Variants in SSBP2 observed in about 807,000 individuals in gnomAD.
The protein encoded by SSBP2 is single stranded DNA binding protein 2.
A neutral mutation model predicts 61.8 loss-of-function variants in SSBP2; 17 were observed. The ratio of observed to expected loss-of-function variants is 0.28; its 90% CI spans 0.19 to 0.41. The LOEUF is 0.41. SSBP2 is among the 10% of genes least tolerant of loss of function. The pLI is 1.00. For missense variants in SSBP2, 310 were observed against 458.7 expected (o/e 0.68, Z 2.96); for synonymous variants, 139 against 141.3 (o/e 0.98, Z 0.12).
chr5:81,445,417 C>CT (rs1211070646), intron 12 of SSBP2, among the ~76,000 whole-genome samples: 2 of 151,130 alleles, frequency 1.3e-5, no homozygotes, highest in Non-Finnish European at 3.0e-5. Flanking sequence ...GCTCCAAAAA[C>CT]TTTTTTTTAG....
chr5:81,614,481 T>C (rs1422090571), intron 4 of SSBP2, among the ~76,000 whole-genome samples: 1 of 152,020 alleles, frequency 6.6e-6, no homozygotes, highest in Non-Finnish European at 1.5e-5. Context: ...CTTCTGGCCA[T>C]TTCTAACTCT....
chr5:81,692,619 A>G (rs149307191), intron 1 of SSBP2, among the ~76,000 whole-genome samples: 78 of 151,470 alleles, frequency 5.1e-4, no homozygotes, highest in African/African-American at 1.9e-3. Flanking sequence ...CTACACAGCT[A>G]TAGTAACCCA....
chr5:81,528,627 G>GT (rs1244666166), intron 4 of SSBP2, among the ~76,000 whole-genome samples: 6 of 151,954 alleles, frequency 3.9e-5, no homozygotes, highest in Admixed American at 3.3e-4. Flanking sequence ...AGTTAACATG[G>GT]TTTTAAACAT....
At chr5:81,670,901 C>A (rs967629750) in intron 1 of SSBP2, among the ~76,000 whole-genome samples, 1 of 152,196 alleles carries the variant, frequency 6.6e-6, no homozygotes, top group African/African-American at 2.4e-5. Context: ...CCTACTTCAT[C>A]AGTCATATTT....
At chr5:81,550,644 A>G (rs1188495963) in intron 4 of SSBP2, among the ~76,000 whole-genome samples, 1 of 152,224 alleles carries the variant, frequency 6.6e-6, no homozygotes, top group African/African-American at 2.4e-5. Context: ...CTCTACATAA[A>G]TCACAACATG....
At chr5:81,710,636 T>C (rs1274150398) in intron 1 of SSBP2, 2 of 449,706 alleles carry the variant, frequency 4.4e-6, no homozygotes, top group Middle Eastern at 3.3e-4. Context: ...AACCTACAAA[T>C]AGGAAACTAA....
intron 6 of SSBP2, among the ~76,000 whole-genome samples, chr5:81,478,880 C>T (rs1765779410): frequency 1.3e-5 from 2 of 152,156 alleles, no homozygotes; most frequent in Non-Finnish European, 2.9e-5. Context: ...TGGTGGCAAC[C>T]ATTTTCTTCA....
intron 4 of SSBP2, among the ~76,000 whole-genome samples, chr5:81,545,554 T>C (rs1292147822): frequency 6.6e-6 from 1 of 152,202 alleles, no homozygotes; most frequent in Non-Finnish European, 1.5e-5. Flanking sequence ...CAAGTTCTTC[T>C]GCCTCTCAGG....
chr5:81,420,386 G>T lies in SSBP2; in HGVS notation c.*118C>A. The stretch of plus-strand genomic sequence containing the variant: ...GAGAGAGCAGGAAATAAAAAGGTTG[G>T]TTTGGTGTGACTGAGATTCCTTTGT... On this transcript the variant is annotated 3_prime_UTR_variant, in exon 17 of 17. Coordinates refer to ENST00000320672, the MANE Select transcript of SSBP2 (RefSeq NM_012446.5). 1 of 1,014,328 alleles carries T rather than the reference G, an allele frequency of 9.9e-7. No individual in the cohort carries two copies. The highest frequency in any genetic ancestry group is 1.5e-6 in the Non-Finnish European group (1 of 656,298). The allele number at this position is 1,014,328 out of a possible 1,614,324, so 62.8% of individuals were successfully genotyped here.
At chr5:81,569,211 T>C (rs1048842713) in intron 4 of SSBP2, among the ~76,000 whole-genome samples, 1 of 152,214 alleles carries the variant, frequency 6.6e-6, no homozygotes, top group East Asian at 1.9e-4. Flanking sequence ...TTGTTGTATA[T>C]ATTTCTATGA....
At chr5:81,698,169 T>C (rs1236142309) in intron 1 of SSBP2, among the ~76,000 whole-genome samples, 1 of 152,202 alleles carries the variant, frequency 6.6e-6, no homozygotes, top group Non-Finnish European at 1.5e-5. Context: ...ATATAAAATG[T>C]ACCAACCACA....
At chr5:81,717,562 A>G (rs936778249) in intron 1 of SSBP2, among the ~76,000 whole-genome samples, 5 of 152,138 alleles carry the variant, frequency 3.3e-5, no homozygotes, top group Non-Finnish European at 7.3e-5. Context: ...GACCCCAGGG[A>G]TCAAATATAT....
intron 4 of SSBP2, among the ~76,000 whole-genome samples, chr5:81,525,429 T>C (rs764799822): frequency 2.0e-5 from 3 of 152,004 alleles, no homozygotes; most frequent in Non-Finnish European, 4.4e-5. Context: ...TGAGAACATG[T>C]GGCATTTGAT....
intron 4 of SSBP2, among the ~76,000 whole-genome samples, chr5:81,595,375 G>C (rs886291031): frequency 2.6e-5 from 4 of 152,120 alleles, no homozygotes; most frequent in Non-Finnish European, 5.9e-5. Flanking sequence ...AAAAACTCCA[G>C]GACCAGATGG....
intron 4 of SSBP2, among the ~76,000 whole-genome samples, chr5:81,597,925 T>C (rs1743950445): frequency 6.6e-6 from 1 of 151,206 alleles, no homozygotes; most frequent in Non-Finnish European, 1.5e-5. Flanking sequence ...AGTTAATGGG[T>C]GCAGCACACC....
At chr5:81,432,725 G>A (rs9686457) in intron 15 of SSBP2, among the ~76,000 whole-genome samples, 18,896 of 152,128 alleles carry the variant, frequency 0.12, 2,493 homozygotes, top group African/African-American at 0.33. Flanking sequence ...CAGCCTGGGC[G>A]ACAGAGCGAG....
intron 4 of SSBP2, among the ~76,000 whole-genome samples, chr5:81,532,807 GAAT>G (rs1770516521): frequency 6.6e-6 from 1 of 151,796 alleles, no homozygotes; most frequent in South Asian, 2.1e-4. Context: ...GACAGCTGTA[GAAT>G]AATAAGAGAG....
At chr5:81,482,252 A>G (rs539148623) in intron 6 of SSBP2, among the ~76,000 whole-genome samples, 51 of 152,060 alleles carry the variant, frequency 3.4e-4, no homozygotes, top group Non-Finnish European at 5.9e-4. Flanking sequence ...CAGATTTAAT[A>G]AGTTTTAAGG....
At chr5:81,665,633 A>C (rs946649600) in intron 1 of SSBP2, among the ~76,000 whole-genome samples, 1 of 152,144 alleles carries the variant, frequency 6.6e-6, no homozygotes, top group African/African-American at 2.4e-5. Flanking sequence ...AGCTAGGATT[A>C]CAGGCGCCAG....
Sources: gnomAD v4.1 joint callset for allele counts (sites outside exome capture counted in the v4.1 genomes callset) on GRCh38, gnomAD v4.1.1 for gene constraint, MANE v1.5 for transcripts, NCBI Gene and HGNC (gene_info 2026-07-23, HGNC 2026-07-21) for gene names.